Variants in DDAH1 observed in about 807,000 individuals in gnomAD.
The protein encoded by DDAH1 is dimethylarginine dimethylaminohydrolase 1.
A neutral mutation model predicts 28.8 loss-of-function variants in DDAH1; 19 were observed. The ratio of observed to expected loss-of-function variants is 0.66; its 90% CI spans 0.46 to 0.97. The LOEUF (loss-of-function observed/expected upper bound fraction) is 0.97. Ranked by LOEUF, DDAH1 falls within the 50% of genes least tolerant of loss-of-function variation. DDAH1 has a pLI of 0.00. For missense variants in DDAH1, 326 were observed against 375.9 expected (o/e 0.87, Z 1.10); for synonymous variants, 153 against 154.4 (o/e 0.99, Z 0.07).
At chr1:85,528,147 G>A (rs1362570007) in intron 1 of DDAH1, among the ~76,000 whole-genome samples, 1 of 151,204 alleles carries the variant, frequency 6.6e-6, no homozygotes, top group Non-Finnish European at 1.5e-5. Context: ...ACATGTATAT[G>A]TTTATATGTT....
rs190690845 is a variant in DDAH1 at position 85,355,692 on chromosome 1, C to T, written c.403+3056G>A. 2.4e-3 allele frequency among the ~76,000 whole-genome samples: 369 copies of T among 152,246 alleles called. 1 individual carries two copies. The highest frequency in any genetic ancestry group is 3.8e-3 in the Admixed American group (58 of 15,288). On this transcript the variant is annotated intron_variant, in intron 2 of 5. Transcript: ENST00000284031. ...CTTGTATATGTTCCCAGGAGACACA[C>T]ACAAGAATGTACATAGAAACACAGA...
intron 1 of DDAH1, among the ~76,000 whole-genome samples, chr1:85,380,108 CT>C (rs1650909231): frequency 6.6e-6 from 1 of 152,164 alleles, no homozygotes; most frequent in African/African-American, 2.4e-5. Flanking sequence ...CTTTCTCAAT[CT>C]TCTCCTTGAA....
upstream of DDAH1, chr1:85,465,181 G>C (rs548395059): frequency 2.6e-5 from 30 of 1,139,710 alleles, no homozygotes; most frequent in East Asian, 1.4e-3. Flanking sequence ...AGCCCAGCTC[G>C]CGCCCGGAGC....
rs1659496878 is a variant in DDAH1 at position 85,572,749 on chromosome 1, G to A, written c.-123+5235C>T. ...CACTTGAGTGTACCACTCCTGAGCTGGTGCAATCCTATCATCTCATAGATG... is the reference window on the plus strand; with the variant it reads ...CACTTGAGTGTACCACTCCTGAGCTAGTGCAATCCTATCATCTCATAGATG... On this transcript the variant is annotated intron_variant, in intron 1 of 6. Coordinates refer to the DDAH1 transcript ENST00000426972. 4.6e-5 allele frequency among the ~76,000 whole-genome samples: 7 copies of A among 152,304 alleles called. No homozygotes were observed. The South Asian group carries it at 1.5e-3, about 32-fold the overall frequency.
chr1:85,480,548 C>A (rs1445460660), intron 2 of DDAH1, among the ~76,000 whole-genome samples: 1 of 152,068 alleles, frequency 6.6e-6, no homozygotes, highest in East Asian at 1.9e-4. Context: ...AGTTTGAGAT[C>A]AGCCTGACCA....
intron 1 of DDAH1, among the ~76,000 whole-genome samples, chr1:85,512,527 G>A (rs149626278): frequency 0.017 from 2,612 of 152,246 alleles, 84 homozygotes; most frequent in African/African-American, 0.058. Flanking sequence ...AAGAAATAAA[G>A]GGTATTCAAT....
rs934594091 is a variant in DDAH1, at chr1:85,319,195, A to T, written c.*2257T>A. The T allele has an allele frequency of 3.3e-5, 5 of 152,220 alleles. No homozygotes were observed. The highest frequency in any genetic ancestry group is 1.2e-4 in the African/African-American group (5 of 41,462). 9.4% of individuals were successfully genotyped at this position (152,220 alleles called of 1,614,324 possible). On this transcript the variant is annotated 3_prime_UTR_variant, in exon 6 of 6. Coordinates refer to ENST00000284031, the MANE Select transcript of DDAH1 (RefSeq NM_012137.4). ...TTTTCACATCATCAATCATATAGGG[A>T]GTCCAAAGAAGCCAGCCTAGCAGGT...
intron 1 of DDAH1, among the ~76,000 whole-genome samples, chr1:85,373,042 A>G (rs956179052): frequency 4.6e-5 from 7 of 152,170 alleles, no homozygotes; most frequent in African/African-American, 1.4e-4. Context: ...ACTAAATTTA[A>G]TATTACATAA....
Position 85,464,831 on chromosome 1 carries a change from G to A in DDAH1, c.215C>T (p.Pro72Leu), listed in dbSNP as rs1415841179. The change falls in exon 1 of 6, where the codon CCG becomes CTG. Residue 72 changes from proline to leucine, a missense_variant. Transcript: ENST00000284031. This position sits in a 1 kb window ranked among gnomAD's most constrained non-coding sequence, Gnocchi z 4.4. ...CACGTCCTCCACGAAGACGCAGTCC[G>A]GAAGGCTCTCGTCGGCCGGCAGCTC... Reference protein sequence around the residue: ...VVELPADESLPDCVFVEDVAV... With the variant: ...VVELPADESLLDCVFVEDVAV... 1.9e-6 allele frequency: 3 copies of A among 1,588,452 alleles called. No homozygotes were observed. Among genetic ancestry groups the A allele is most frequent in the Non-Finnish European group, 2.6e-6 (3 of 1,174,730 alleles).
intron 1 of DDAH1, among the ~76,000 whole-genome samples, chr1:85,496,989 C>A (rs1216665899): frequency 6.6e-6 from 1 of 152,180 alleles, no homozygotes; most frequent in Non-Finnish European, 1.5e-5. Context: ...TATTTACAGA[C>A]AATGTTCACA....
At chr1:85,577,715 C>G (rs1443542411) in intron 1 of DDAH1, among the ~76,000 whole-genome samples, 1 of 151,990 alleles carries the variant, frequency 6.6e-6, no homozygotes, top group East Asian at 1.9e-4. Flanking sequence ...CCAGATTTAC[C>G]GTTATTATTC....
At chr1:85,328,472 C>T (rs1009348280) in intron 4 of DDAH1, among the ~76,000 whole-genome samples, 7 of 149,580 alleles carry the variant, frequency 4.7e-5, no homozygotes, top group African/African-American at 1.7e-4. Flanking sequence ...GTCTCACAAA[C>T]GTGCTTTTTT....
In DDAH1 at chr1:85,320,333, C is replaced by G. The variant is rs1661270960; in HGVS notation, c.*1119G>C. On this transcript the variant is annotated 3_prime_UTR_variant, in exon 6 of 6. Transcript: ENST00000284031. ...TTGGGTTCAAGCATCAAGGTGATCG[C>G]TTCCTGAACATGTTCATTGACCATG... 6.6e-6 allele frequency: 1 copy of G among 152,608 alleles called. No homozygotes were observed. The highest frequency in any genetic ancestry group is 1.5e-5 in the Non-Finnish European group (1 of 68,046). The allele number at this position is 152,608 out of a possible 1,614,324, so 9.5% of individuals were successfully genotyped here. A position where few individuals can be genotyped will look rare whatever the true frequency, so the allele number is the denominator to read the frequency against.
At chr1:85,442,441 G>C (rs1326600443) in intron 1 of DDAH1, among the ~76,000 whole-genome samples, 1 of 152,166 alleles carries the variant, frequency 6.6e-6, no homozygotes, top group Non-Finnish European at 1.5e-5. Flanking sequence ...ATGGACATCT[G>C]GGTTGGTTCC....
intron 1 of DDAH1, among the ~76,000 whole-genome samples, chr1:85,401,644 C>T (rs1264862665): frequency 6.6e-6 from 1 of 151,514 alleles, no homozygotes; most frequent in Admixed American, 6.6e-5. Flanking sequence ...GGACTACAGG[C>T]GCACACTACC....
At chr1:85,491,421 G>A (rs1489322927) in intron 2 of DDAH1, among the ~76,000 whole-genome samples, 1 of 152,196 alleles carries the variant, frequency 6.6e-6, no homozygotes, top group Admixed American at 6.5e-5. Context: ...AAAGACAAAG[G>A]AATCCTCTTT....
chr1:85,529,648 C>T (rs1470455107), intron 1 of DDAH1, among the ~76,000 whole-genome samples: 1 of 98,252 alleles, frequency 1.0e-5, no homozygotes, highest in Non-Finnish European at 2.2e-5. Flanking sequence ...CTGAATTGCC[C>T]ACCATACTCA....
chr1:85,454,180 T>C (rs79766187), intron 1 of DDAH1, among the ~76,000 whole-genome samples: 220 of 152,366 alleles, frequency 1.4e-3, no homozygotes, highest in Admixed American at 3.5e-3. Flanking sequence ...TATGCTTTCC[T>C]GTCTTAACAT....
chr1:85,459,215 G>A (rs949748854), intron 1 of DDAH1, among the ~76,000 whole-genome samples: 22 of 152,156 alleles, frequency 1.4e-4, no homozygotes, highest in Admixed American at 3.3e-4. Context: ...AGCTTAATAA[G>A]AATTCAAATA....
Sources: allele counts gnomAD v4.1 joint callset (sites outside exome capture counted in the v4.1 genomes callset), GRCh38; gene constraint gnomAD v4.1.1; non-coding constraint Gnocchi (gnomAD v3.1); transcripts MANE v1.5; gene names NCBI Gene and HGNC (gene_info 2026-07-23, HGNC 2026-07-21).